WDR19: variants seen among roughly 807,000 people sequenced by gnomAD.
WDR19 encodes the protein WD repeat-containing protein 19.
WDR19 carries 121 observed loss-of-function variants against 180.0 expected under a neutral mutation model. The observed-to-expected ratio is 0.67, with a 90% confidence interval of 0.58 to 0.78. WDR19 has a LOEUF of 0.78. WDR19 is among the 30% of genes least tolerant of loss of function. WDR19 has a pLI of 0.00. For missense variants in WDR19, 1,450 were observed against 1,640.7 expected (o/e 0.88, Z 2.01); for synonymous variants, 497 against 540.7 (o/e 0.92, Z 1.12).
At chr4:39,250,412 C>T (rs902748103) in intron 24 of WDR19, among the ~76,000 whole-genome samples, 2 of 152,156 alleles carry the variant, frequency 1.3e-5, no homozygotes, top group African/African-American at 4.8e-5. Flanking sequence ...ACTGAACGGA[C>T]AAAAACTGGA....
At chr4:39,198,353 T>C (rs1294055424) in intron 5 of WDR19, among the ~76,000 whole-genome samples, 1 of 136,704 alleles carries the variant, frequency 7.3e-6, no homozygotes, top group Non-Finnish European at 1.6e-5. Context: ...GGTCAGGAGA[T>C]TGAGACTATC....
At chr4:39,278,069 T>A in intron 34 of WDR19, 62 bp from the exon 35 acceptor site, 2 of 1,398,638 alleles carry the variant, frequency 1.4e-6, no homozygotes, top group Admixed American at 2.4e-5. Context: ...AAAAAAAAAT[T>A]GACTAACAGT....
At chr4:39,281,236 TAGAGAG>T (rs1553919999) in intron 36 of WDR19, among the ~76,000 whole-genome samples, 12 of 104,044 alleles carry the variant, frequency 1.2e-4, no homozygotes, top group East Asian at 1.0e-3. Context: ...TATATATATA[TAGAGAG>T]AGAGAGAGAG....
At position 39,224,993 on chromosome 4, in the gene WDR19, T is replaced by G; in HGVS notation, c.1589T>G (p.Val530Gly). 6.4e-7 allele frequency: 1 copy of G among 1,570,422 alleles called. No homozygotes were observed. The highest frequency in any genetic ancestry group is 1.2e-5 in the South Asian group (1 of 83,080). Residue 530 changes from valine to glycine, a missense_variant, in exon 15 of 37, where the codon GTT becomes GGT. By Grantham distance (109) the Val-to-Gly change is moderately radical. Transcript: ENST00000399820. The stretch of plus-strand genomic sequence containing the variant: ...CCCGACCCAAATGGGACCAGATTAG[T>G]TTTCATTGATGAAAAAAGTGATGGA... ...IFPDPNGTRL[V>G]FIDEKSDGFV...
chr4:39,255,628 C>T (rs1733671209), intron 26 of WDR19, among the ~76,000 whole-genome samples: 1 of 151,850 alleles, frequency 6.6e-6, no homozygotes, highest in African/African-American at 2.4e-5. Context: ...AATTTCCTCT[C>T]CTGGTTCACA....
intron 9 of WDR19, among the ~76,000 whole-genome samples, chr4:39,212,611 G>T (rs1420731516): frequency 1.3e-5 from 2 of 152,142 alleles, no homozygotes; most frequent in Non-Finnish European, 2.9e-5. Context: ...GGCCAATGTG[G>T]TGAAACCTTG....
chr4:39,183,027 C>G (rs1483193837), intron 1 of WDR19, among the ~76,000 whole-genome samples: 1 of 152,136 alleles, frequency 6.6e-6, no homozygotes, highest in East Asian at 1.9e-4. Context: ...AATGAAAAGC[C>G]TCCTAAAGAA....
intron 29 of WDR19, 137 bp from the exon 30 acceptor site, chr4:39,267,857 TC>T (rs1456291654): frequency 1.2e-5 from 9 of 762,050 alleles, no homozygotes; most frequent in African/African-American, 1.7e-5. Context: ...ATAAACGAAT[TC>T]TTTATTCATT....
intron 34 of WDR19, 105 bp from the exon 35 acceptor site, chr4:39,278,026 C>T: frequency 1.0e-6 from 1 of 988,976 alleles, no homozygotes; most frequent in Non-Finnish European, 1.5e-6. Context: ...TGCACTCCAG[C>T]CTGGGTGACT....
chr4:39,198,628 G>A (rs1474240409), intron 5 of WDR19, among the ~76,000 whole-genome samples: 2 of 152,212 alleles, frequency 1.3e-5, no homozygotes, highest in Non-Finnish European at 2.9e-5. Flanking sequence ...CACTCTGGGA[G>A]GCCAAGACAG....
intron 1 of WDR19, among the ~76,000 whole-genome samples, chr4:39,183,314 A>G (rs1172538909): frequency 8.0e-6 from 1 of 125,630 alleles, no homozygotes; most frequent in Non-Finnish European, 1.6e-5. Flanking sequence ...CAGTGGCGCA[A>G]TCTCTGCTCC....
intron 28 of WDR19, among the ~76,000 whole-genome samples, chr4:39,259,061 T>C (rs1734028171): frequency 6.6e-6 from 1 of 152,092 alleles, no homozygotes; most frequent in African/African-American, 2.4e-5. Flanking sequence ...AGAATGAAAC[T>C]CCATCTCAAA....
At chr4:39,253,388 A>G in intron 25 of WDR19, 96 bp downstream of exon 25, 1 of 1,353,890 alleles carries the variant, frequency 7.4e-7, no homozygotes, top group Non-Finnish European at 1.0e-6. Context: ...CAAAAGGAAT[A>G]TTTAGTCTTT....
chr4:39,279,674 C>G (rs1736264353), intron 36 of WDR19, among the ~76,000 whole-genome samples: 1 of 149,396 alleles, frequency 6.7e-6, no homozygotes. Context: ...ATTCCACATC[C>G]CTGCCAACAG....
chr4:39,231,334 A>G (rs1189871022), intron 17 of WDR19, among the ~76,000 whole-genome samples: 4 of 151,068 alleles, frequency 2.6e-5, no homozygotes. Context: ...AAAAAAAAAA[A>G]AAAGAGTGGG....
At chr4:39,234,589 C>G (rs537232194) in intron 19 of WDR19, among the ~76,000 whole-genome samples, 177 bp from the exon 20 acceptor site, 1 of 152,178 alleles carries the variant, frequency 6.6e-6, no homozygotes, top group East Asian at 1.9e-4. Context: ...TCCTTCAGGG[C>G]TCTATCAAGA....
chr4:39,246,514 G>A (rs542910086), intron 24 of WDR19, among the ~76,000 whole-genome samples: 1 of 152,352 alleles, frequency 6.6e-6, no homozygotes, highest in African/African-American at 2.4e-5. Context: ...GTGCAGGACA[G>A]TGGGTGCAGC....
intron 36 of WDR19, among the ~76,000 whole-genome samples, chr4:39,281,232 TATATAG>T (rs1481361108): frequency 2.1e-4 from 21 of 100,958 alleles, no homozygotes; most frequent in African/African-American, 7.9e-4. Flanking sequence ...TATATATATA[TATATAG>T]AGAGAGAGAG....
intron 6 of WDR19, among the ~76,000 whole-genome samples, chr4:39,201,018 G>A (rs996769175): frequency 1.1e-4 from 16 of 152,248 alleles, no homozygotes; most frequent in African/African-American, 3.4e-4. Flanking sequence ...AGACTAAACT[G>A]TTGGGTCAGA....
Sources: gnomAD v4.1 joint callset for allele counts (sites outside exome capture counted in the v4.1 genomes callset) on GRCh38, gnomAD v4.1.1 for gene constraint, MANE v1.5 for transcripts, NCBI Gene and HGNC (gene_info 2026-07-23, HGNC 2026-07-21) for gene names.